Variants in GPR158 observed in about 807,000 individuals in gnomAD.
The protein encoded by GPR158 is metabotropic glycine receptor.
GPR158 carries 30 observed loss-of-function variants against 78.2 expected under a neutral mutation model. The ratio of observed to expected loss-of-function variants is 0.38; its 90% CI spans 0.29 to 0.52. The LOEUF (loss-of-function observed/expected upper bound fraction) is 0.52. Ranked by LOEUF, GPR158 falls within the 20% of genes least tolerant of loss-of-function variation. GPR158 has a pLI of 0.83. For synonymous variants in GPR158, 581 were observed against 591.1 expected, an observed-to-expected ratio of 0.98 and a Z score of 0.25; for missense variants, 1,463 against 1,523.5, an observed-to-expected ratio of 0.96 and a Z score of 0.66.
intron 2 of GPR158, among the ~76,000 whole-genome samples, chr10:25,240,273 C>T (rs1024780758): frequency 3.3e-5 from 5 of 152,174 alleles, no homozygotes; most frequent in Non-Finnish European, 5.9e-5. Flanking sequence ...CTTTGGGAGG[C>T]TGAGGTGAGC....
intron 3 of GPR158, among the ~76,000 whole-genome samples, chr10:25,403,379 C>T (rs1451436170): frequency 6.6e-6 from 1 of 151,978 alleles, no homozygotes; most frequent in East Asian, 1.9e-4. Flanking sequence ...CCTGTAAATG[C>T]TACTGTAACC....
chr10:25,241,284 C>CCTTTCCTTTCTTTTCTTTTCT (rs1195195853), intron 2 of GPR158, among the ~76,000 whole-genome samples: 8 of 108,998 alleles, frequency 7.3e-5, no homozygotes, highest in African/African-American at 3.2e-4. Context: ...TTCTTTCTTT[C>CCTTTCCTTTCTTTTCTTTTCT]TTTTCTTTTC....
At chr10:25,545,578 T>TA (rs938095524) in intron 5 of GPR158, among the ~76,000 whole-genome samples, 2 of 152,120 alleles carry the variant, frequency 1.3e-5, no homozygotes, top group Admixed American at 1.3e-4. Flanking sequence ...TTTTTAATGA[T>TA]AAAAAGTTAA....
intron 4 of GPR158, among the ~76,000 whole-genome samples, chr10:25,420,778 T>A (rs577413962): frequency 2.2e-4 from 33 of 152,198 alleles, no homozygotes; most frequent in Non-Finnish European, 4.4e-4. Context: ...TTATCATATA[T>A]GTTAAGGTGT....
In GPR158 at chr10:25,389,503, TCTC is replaced by T. The variant is rs574512215; in HGVS notation, c.1009-6404_1009-6402del. On this transcript the variant is annotated intron_variant, in intron 2 of 10. Transcript: ENST00000376351. ...ACAGAGAGGAGTTCCCCACTGCAGA[TCTC>T]CTCTGAGCTGTTCTATTGCTCAATA... Among the ~76,000 whole-genome samples, 381 of 152,212 alleles carry T rather than the reference TCTC, an allele frequency of 2.5e-3. 1 individual carries two copies. The highest frequency in any genetic ancestry group is 7.0e-3 in the African/African-American group (292 of 41,534).
intron 7 of GPR158, among the ~76,000 whole-genome samples, chr10:25,585,586 A>G (rs11014631): frequency 0.29 from 44,351 of 152,204 alleles, 6,927 homozygotes; most frequent in East Asian, 0.49. Context: ...TCAACTGGAC[A>G]TTGAAACATT....
chr10:25,571,205 G>A (rs1564493333), intron 6 of GPR158, among the ~76,000 whole-genome samples: 4 of 152,154 alleles, frequency 2.6e-5, no homozygotes, highest in Non-Finnish European at 4.4e-5. Context: ...ATGAGATGGA[G>A]CGTGGTTAAG....
chr10:25,427,100 A>G (rs1831255), intron 4 of GPR158, among the ~76,000 whole-genome samples: 125,256 of 151,948 alleles, frequency 0.82, 52,720 homozygotes, highest in African/African-American at 0.89. Flanking sequence ...ATATTAATCT[A>G]TAGTCAAATG....
At chr10:25,314,413 T>C (rs940279468) in intron 2 of GPR158, among the ~76,000 whole-genome samples, 1 of 152,204 alleles carries the variant, frequency 6.6e-6, no homozygotes, top group Non-Finnish European at 1.5e-5. Context: ...TTCAAATTTA[T>C]TGACATAAAG....
At position 25,247,842 on chromosome 10, in the gene GPR158, G is replaced by T. The variant is rs1439823179; in HGVS notation, c.1008+26685G>T. ...TTGGGTATATACCCAGTAATGGGAT[G>T]GCTGGGTCAAATGGTATTTCTAGTT... is the stretch of plus-strand genomic sequence containing the variant. On this transcript the variant is annotated intron_variant, in intron 2 of 10. Transcript: ENST00000376351. Among the ~76,000 whole-genome samples the T allele has an allele frequency of 2.0e-5, 3 of 148,268 alleles. No homozygotes were observed. The South Asian group carries it at 6.5e-4, about 32-fold the overall frequency.
intron 5 of GPR158, among the ~76,000 whole-genome samples, chr10:25,477,982 C>T (rs1564466472): frequency 6.6e-6 from 1 of 152,108 alleles, no homozygotes; most frequent in Non-Finnish European, 1.5e-5. Context: ...CTGTGTAGTT[C>T]CATTTATCCA....
At chr10:25,452,889 C>T (rs1279061426) in intron 4 of GPR158, among the ~76,000 whole-genome samples, 3 of 152,118 alleles carry the variant, frequency 2.0e-5, no homozygotes, top group South Asian at 4.1e-4. Context: ...CCCACTTCCC[C>T]TGCCCTCTAG....
intron 4 of GPR158, among the ~76,000 whole-genome samples, chr10:25,415,077 A>G (rs1230383302): frequency 6.6e-6 from 1 of 152,134 alleles, no homozygotes; most frequent in Non-Finnish European, 1.5e-5. Context: ...AGAAACTTTT[A>G]TTAGGAGAAA....
intron 2 of GPR158, among the ~76,000 whole-genome samples, chr10:25,241,167 T>TTC (rs1853605058): frequency 1.7e-5 from 2 of 119,074 alleles, no homozygotes; most frequent in African/African-American, 7.7e-5. Flanking sequence ...CTTTCTTTCT[T>TTC]TCTTTCTTTC....
At position 25,402,651 on chromosome 10, in the gene GPR158, C is replaced by T. The variant is rs981948637; in HGVS notation, c.1111+6638C>T. Among the ~76,000 whole-genome samples, 6 of 152,008 alleles carry T rather than the reference C, an allele frequency of 3.9e-5. No homozygotes were observed. The East Asian group carries it at 5.8e-4, about 15-fold the overall frequency. On this transcript the variant is annotated intron_variant, in intron 3 of 10. Transcript: ENST00000376351. ...GACAATATGAATGGTAAAGTAAATACAGCAGAATGTAAATAATTGATGAAT... is the reference window on the plus strand; with the variant it reads ...GACAATATGAATGGTAAAGTAAATATAGCAGAATGTAAATAATTGATGAAT...
chr10:25,485,082 G>A (rs1835716258), intron 5 of GPR158, among the ~76,000 whole-genome samples: 1 of 151,900 alleles, frequency 6.6e-6, no homozygotes, highest in African/African-American at 2.4e-5. Context: ...AATACCTAGA[G>A]ATGTTTGAAA....
chr10:25,513,631 T>C (rs984349301), intron 5 of GPR158, among the ~76,000 whole-genome samples: 3 of 152,134 alleles, frequency 2.0e-5, no homozygotes, highest in Non-Finnish European at 4.4e-5. Flanking sequence ...TTGTGCTCCT[T>C]CAGACTTTTG....
At chr10:25,472,023 A>G (rs952793036) in intron 5 of GPR158, among the ~76,000 whole-genome samples, 4 of 152,306 alleles carry the variant, frequency 2.6e-5, no homozygotes, top group African/African-American at 9.6e-5. Flanking sequence ...TGTTGTAGAC[A>G]TGAAGTCCTT....
chr10:25,278,855 C>T (rs1183072324), intron 2 of GPR158, among the ~76,000 whole-genome samples: 2 of 151,800 alleles, frequency 1.3e-5, no homozygotes, highest in East Asian at 3.9e-4. Context: ...AGGGCACTTA[C>T]TGTTACCAGA....
Sources: gnomAD v4.1 joint callset for allele counts (sites outside exome capture counted in the v4.1 genomes callset) on GRCh38, gnomAD v4.1.1 for gene constraint, MANE v1.5 for transcripts, NCBI Gene and HGNC (gene_info 2026-07-23, HGNC 2026-07-21) for gene names.